The following UMODL1 variants were observed in gnomAD, a reference collection of about 807,000 sequenced individuals.
UMODL1 encodes uromodulin-like 1.
In UMODL1, 128 loss-of-function variants were observed where a neutral mutation model predicts 136.3. That is an observed-to-expected ratio of 0.94 (90% CI 0.81 to 1.09). The LOEUF (loss-of-function observed/expected upper bound fraction) is 1.09. Among genes scored for constraint, UMODL1 ranks in the 50% least tolerant of loss-of-function variants. The pLI, the probability that UMODL1 is intolerant of heterozygous loss-of-function variation, is 0.00. For missense variants in UMODL1, 1,766 were observed against 1,725.6 expected (o/e 1.02, Z -0.41); for synonymous variants, 721 against 720.0 (o/e 1.00, Z -0.02).
chr21:42,090,538 A>G, intron 6 of UMODL1, 100 bp downstream of exon 6: 7 of 1,423,294 alleles, frequency 4.9e-6, no homozygotes, highest in Non-Finnish European at 5.7e-6. Context: ...ATTCACCCCG[A>G]GATAACTCTG....
intron 14 of UMODL1, among the ~76,000 whole-genome samples, chr21:42,117,692 C>T (rs957803574): frequency 2.6e-5 from 4 of 152,246 alleles, no homozygotes; most frequent in Non-Finnish European, 5.9e-5. Flanking sequence ...GAAGATTCGA[C>T]AGCCTTTGGG....
intron 3 of UMODL1, among the ~76,000 whole-genome samples, chr21:42,084,569 T>G (rs1245451632): frequency 6.6e-6 from 1 of 152,070 alleles, no homozygotes; most frequent in African/African-American, 2.4e-5. Flanking sequence ...GGTGTGGAGC[T>G]GGCTGTGCCT....
chr21:42,134,611 GTTAA>G (rs779348885), intron 21 of UMODL1, among the ~76,000 whole-genome samples: 6 of 151,992 alleles, frequency 3.9e-5, no homozygotes, highest in East Asian at 3.9e-4. Flanking sequence ...TTTAAAATTA[GTTAA>G]TTAATTTATT....
upstream of UMODL1, among the ~76,000 whole-genome samples, chr21:42,067,273 C>T (rs1001642262): frequency 1.3e-5 from 2 of 152,086 alleles, no homozygotes; most frequent in Non-Finnish European, 2.9e-5. Context: ...GCCTGGCCAG[C>T]ACATTTTATT....
At chr21:42,127,895 G>T in intron 20 of UMODL1, 64 bp downstream of exon 20, 1 of 1,603,154 alleles carries the variant, frequency 6.2e-7, no homozygotes, top group East Asian at 2.2e-5. Context: ...TACGGTTCGA[G>T]GCTCTGTTAA....
At position 42,139,930 on chromosome 21, in the gene UMODL1, C is replaced by A. The variant is rs116326139; in HGVS notation, c.*22-2166C>A. ...ACATGGGCAGAATCACTTCCACAAG[C>A]GGGTGGCGTTTTCTTTGAAGTTGCC... is the stretch of plus-strand genomic sequence containing the variant. On this transcript the variant is annotated intron_variant, in intron 22 of 22. Coordinates refer to ENST00000408910, the MANE Select transcript of UMODL1 (RefSeq NM_001004416.3). Among the ~76,000 whole-genome samples, 1,107 of 152,200 alleles carry A rather than the reference C, an allele frequency of 7.3e-3. 6 individuals are homozygous for A. The highest frequency in any genetic ancestry group is 0.025 in the African/African-American group (1,041 of 41,512).
intron 16 of UMODL1, among the ~76,000 whole-genome samples, 176 bp downstream of exon 16, chr21:42,121,400 A>G (rs2066970779): frequency 6.6e-6 from 1 of 151,792 alleles, no homozygotes; most frequent in African/African-American, 2.4e-5. Context: ...GTATGTGTAC[A>G]TGTGTGTACG....
intron 2 of UMODL1, among the ~76,000 whole-genome samples, chr21:42,076,532 G>C (rs573758280): frequency 3.9e-5 from 6 of 152,284 alleles, no homozygotes; most frequent in South Asian, 4.1e-4. Flanking sequence ...AACCTCTGCT[G>C]TTCTCAGAGG....
intron 6 of UMODL1, among the ~76,000 whole-genome samples, chr21:42,096,458 G>A (rs1225842051): frequency 6.6e-6 from 1 of 152,202 alleles, no homozygotes; most frequent in Non-Finnish European, 1.5e-5. Context: ...GGTAAAGCAT[G>A]CATTGCCAGC....
chr21:42,126,903 C>T (rs928631296), intron 18 of UMODL1, 103 bp from the exon 19 acceptor site: 16 of 958,184 alleles, frequency 1.7e-5, no homozygotes, highest in African/African-American at 1.6e-4. Context: ...CGTTCATTTG[C>T]ACGTTCCTCT....
intron 21 of UMODL1, among the ~76,000 whole-genome samples, chr21:42,136,681 T>C (rs1434670218): frequency 6.6e-6 from 1 of 152,210 alleles, no homozygotes; most frequent in African/African-American, 2.4e-5. Flanking sequence ...GCTGTTTGAA[T>C]CAGTTTTCAC....
chr21:42,109,674 C>T lies in UMODL1; in HGVS notation c.1632C>T (p.Pro544=). The change falls in exon 10 of 23, where the codon CCC becomes CCT. Residue 544 remains proline, a synonymous_variant. Transcript: ENST00000408910. Reference sequence around the variant, plus strand: ...GCCGTACCACCAGGGACGCCACCCCCTCCCGCGCAGGCCGGGCCTGTGAGG... The same window carrying T: ...GCCGTACCACCAGGGACGCCACCCCTTCCCGCGCAGGCCGGGCCTGTGAGG... ...CQCRTTRDAT[P]SRAGRACEGD... 2 of 1,605,946 alleles carry T rather than the reference C, an allele frequency of 1.2e-6. No homozygotes were observed. Among genetic ancestry groups the T allele is most frequent in the South Asian group, 2.2e-5 (2 of 91,078 alleles).
rs1386983899 is a variant in UMODL1, at chr21:42,122,559, C to G, written c.2828-272C>G. 1.3e-5 allele frequency among the ~76,000 whole-genome samples: 2 copies of G among 149,378 alleles called. No individual in the cohort carries two copies. The highest frequency in any genetic ancestry group is 3.0e-5 in the Non-Finnish European group (2 of 67,178). The stretch of plus-strand genomic sequence containing the variant: ...TGTGCATGTGTGCGTGTGTGTGTGT[C>G]TGCACGTGTGTGCGTGCGTGTGTGC... On this transcript the variant is annotated intron_variant, in intron 16 of 22. Transcript: ENST00000408910. The surrounding 1 kb of genome is among the most constrained non-coding windows in gnomAD (Gnocchi z 4.3).
intron 17 of UMODL1, among the ~76,000 whole-genome samples, 166 bp from the exon 18 acceptor site, chr21:42,126,179 C>A (rs942686758): frequency 2.6e-5 from 4 of 152,198 alleles, no homozygotes; most frequent in African/African-American, 9.7e-5. Context: ...AGCCCTTAGG[C>A]TCTTAGGCAG....
Position 42,090,161 on chromosome 21 carries a change from C to T in UMODL1, c.791-137C>T, listed in dbSNP as rs2066473820. 4 of 1,148,992 alleles carry T rather than the reference C, an allele frequency of 3.5e-6. No homozygotes were observed. The East Asian group carries it at 7.6e-5, about 22-fold the overall frequency. The allele number at this position is 1,148,992 out of a possible 1,614,324, so 71.2% of individuals were successfully genotyped here. ...AGACTTCCATAGTCTCCCTTGGGAT[C>T]ACTGCCCAAGGCACCCCTCAACCGA... On this transcript the variant is annotated intron_variant, in intron 5 of 22. Coordinates refer to ENST00000408910, the MANE Select transcript of UMODL1 (RefSeq NM_001004416.3).
chr21:42,093,573 G>A (rs2066518301), intron 6 of UMODL1: 1 of 227,048 alleles, frequency 4.4e-6, no homozygotes, highest in East Asian at 1.3e-4. Context: ...TGGGGGAGTG[G>A]ACCAGTTCCC....
At chr21:42,079,749 C>T (rs553755101) in intron 2 of UMODL1, among the ~76,000 whole-genome samples, 42 of 152,196 alleles carry the variant, frequency 2.8e-4, no homozygotes, top group Admixed American at 3.9e-4. Flanking sequence ...GGGAGGCCCG[C>T]GCCTCCACCA....
At chr21:42,138,777 GT>G (rs1031329664) in intron 22 of UMODL1, among the ~76,000 whole-genome samples, 5 of 152,122 alleles carry the variant, frequency 3.3e-5, no homozygotes, top group African/African-American at 1.2e-4. Flanking sequence ...GTTTCTCCAT[GT>G]TGGTCAGGCT....
chr21:42,095,050 T>A (rs1228804037), intron 6 of UMODL1, among the ~76,000 whole-genome samples: 2 of 149,554 alleles, frequency 1.3e-5, no homozygotes, highest in Non-Finnish European at 3.0e-5. Context: ...CCGGCATTCC[T>A]TGGCTTGTGG....
Sources: gnomAD v4.1 joint callset for allele counts (sites outside exome capture counted in the v4.1 genomes callset) on GRCh38, gnomAD v4.1.1 for gene constraint, Gnocchi (gnomAD v3.1) non-coding constraint, MANE v1.5 for transcripts, NCBI Gene and HGNC (gene_info 2026-07-23, HGNC 2026-07-21) for gene names.